CDH18: variants seen among roughly 807,000 people sequenced by gnomAD.
CDH18 encodes the protein cadherin-18.
Under a neutral mutation model 67.9 loss-of-function variants are expected in CDH18, and 31 were observed. That is an observed-to-expected ratio of 0.46 (90% CI 0.34 to 0.62). CDH18 has a LOEUF of 0.62. CDH18 is among the 20% of genes least tolerant of loss of function. The probability of loss-of-function intolerance (pLI) is 0.01; values close to 1 mark genes in which losing one functional copy is unlikely to be tolerated. For missense variants in CDH18, 890 were observed against 975.5 expected, an observed-to-expected ratio of 0.91 and a Z score of 1.17; for synonymous variants, 362 against 347.2, an observed-to-expected ratio of 1.04 and a Z score of -0.48.
chr5:20,133,264 G>A (rs930585905), intron 2 of CDH18, among the ~76,000 whole-genome samples: 1 of 152,208 alleles, frequency 6.6e-6, no homozygotes, highest in Non-Finnish European at 1.5e-5. Context: ...AGTTCCACAT[G>A]GTTGGGGAGG....
intron 2 of CDH18, among the ~76,000 whole-genome samples, chr5:19,959,980 C>T (rs1368538443): frequency 1.3e-5 from 2 of 151,978 alleles, no homozygotes; most frequent in Non-Finnish European, 2.9e-5. Flanking sequence ...AATGATGCAC[C>T]TGTATAGGAT....
intron 2 of CDH18, among the ~76,000 whole-genome samples, chr5:20,057,319 T>A (rs1266280497): frequency 6.6e-6 from 1 of 152,174 alleles, no homozygotes; most frequent in Non-Finnish European, 1.5e-5. Context: ...AATATTCATA[T>A]CCTGAATCTT....
chr5:20,103,009 T>C (rs988635371), intron 2 of CDH18, among the ~76,000 whole-genome samples: 20 of 152,220 alleles, frequency 1.3e-4, no homozygotes, highest in Non-Finnish European at 2.8e-4. Flanking sequence ...ACTGTTTCAA[T>C]GAGACTCTTA....
chr5:20,314,631 C>T (rs973266815), intron 1 of CDH18, among the ~76,000 whole-genome samples: 1 of 152,010 alleles, frequency 6.6e-6, no homozygotes, highest in Non-Finnish European at 1.5e-5. Flanking sequence ...TTGAGCACAG[C>T]GCTCATTTGC....
At chr5:19,778,899 T>C (rs1774740573) in intron 3 of CDH18, among the ~76,000 whole-genome samples, 2 of 152,170 alleles carry the variant, frequency 1.3e-5, no homozygotes, top group Admixed American at 1.3e-4. Context: ...ACATGTATTA[T>C]GCTCAGATAC....
At chr5:20,269,872 C>T (rs1040014530) in intron 1 of CDH18, among the ~76,000 whole-genome samples, 2 of 151,756 alleles carry the variant, frequency 1.3e-5, no homozygotes, top group African/African-American at 2.4e-5. Context: ...TATATGTATA[C>T]AAATGGAAAG....
intron 3 of CDH18, among the ~76,000 whole-genome samples, chr5:19,761,814 A>C (rs1188223901): frequency 6.6e-6 from 1 of 152,196 alleles, no homozygotes; most frequent in African/African-American, 2.4e-5. Flanking sequence ...ACAAAGCTGG[A>C]GGCATCATAC....
intron 4 of CDH18, among the ~76,000 whole-genome samples, chr5:19,741,098 G>GTA (rs980393285): frequency 2.0e-5 from 3 of 150,474 alleles, no homozygotes; most frequent in Admixed American, 6.7e-5. Context: ...TAGTGTATGC[G>GTA]TATATATATA....
intron 1 of CDH18, among the ~76,000 whole-genome samples, chr5:20,454,680 G>A (rs1750708237): frequency 6.6e-6 from 1 of 151,990 alleles, no homozygotes; most frequent in Non-Finnish European, 1.5e-5. Context: ...AGACTCCTGG[G>A]TCAAAGACAT....
intron 4 of CDH18, among the ~76,000 whole-genome samples, chr5:19,734,735 A>G (rs1209777837): frequency 1.3e-5 from 2 of 152,032 alleles, no homozygotes; most frequent in Admixed American, 6.6e-5. Context: ...TCCAGTTTCA[A>G]TGTCTTCAGT....
At chr5:20,190,648 T>A (rs1156818667) in intron 2 of CDH18, among the ~76,000 whole-genome samples, 1 of 152,120 alleles carries the variant, frequency 6.6e-6, no homozygotes, top group African/African-American at 2.4e-5. Flanking sequence ...AAAGCTATTG[T>A]TCAAGAACAT....
chr5:20,142,440 C>A (rs766162788), intron 2 of CDH18, among the ~76,000 whole-genome samples: 8 of 151,738 alleles, frequency 5.3e-5, no homozygotes, highest in Non-Finnish European at 1.2e-4. Flanking sequence ...ATTGGCCCGG[C>A]GTGGTGGCAA....
intron 2 of CDH18, among the ~76,000 whole-genome samples, chr5:19,946,321 G>A (rs1481645603): frequency 1.3e-5 from 2 of 152,030 alleles, no homozygotes; most frequent in Admixed American, 6.6e-5. Context: ...AAGATAATTT[G>A]CTCTCAGTAG....
At chr5:20,097,597 C>A (rs1033672008) in intron 2 of CDH18, among the ~76,000 whole-genome samples, 4 of 151,682 alleles carry the variant, frequency 2.6e-5, no homozygotes, top group African/African-American at 9.7e-5. Context: ...CTCACTGAAT[C>A]AAAAAAATGG....
rs13182753 is a variant in CDH18, at chr5:20,059,817, C to T, written c.-517-67803G>A. On this transcript the variant is annotated intron_variant, in intron 2 of 14. Coordinates refer to the CDH18 transcript ENST00000507958. ...GCTATAAAAAAGAATGAGTTTATGT[C>T]CTTTGCAGGGACATGGATGTAGCTG... 9.5e-3 allele frequency among the ~76,000 whole-genome samples: 1,446 copies of T among 152,208 alleles called. 11 individuals are homozygous for T. Among genetic ancestry groups the T allele is most frequent in the Non-Finnish European group, 0.015 (1,005 of 68,018 alleles).
At chr5:19,922,651 T>C (rs1490172773) in intron 2 of CDH18, among the ~76,000 whole-genome samples, 1 of 152,232 alleles carries the variant, frequency 6.6e-6, no homozygotes, top group Non-Finnish European at 1.5e-5. Flanking sequence ...GAATTTACTT[T>C]TAATCTTTTT....
chr5:19,518,692 T>C (rs1424556004), intron 10 of CDH18, among the ~76,000 whole-genome samples: 1 of 152,182 alleles, frequency 6.6e-6, no homozygotes, highest in African/African-American at 2.4e-5. Flanking sequence ...CCAGGGGATC[T>C]CAGTCCTTTG....
intron 8 of CDH18, among the ~76,000 whole-genome samples, chr5:19,558,212 A>G (rs1321258019): frequency 6.6e-6 from 1 of 151,994 alleles, no homozygotes; most frequent in Admixed American, 6.6e-5. Context: ...ACAAATAGAC[A>G]ATCTAAGGTA....
At chr5:20,152,247 A>C (rs567084254) in intron 2 of CDH18, among the ~76,000 whole-genome samples, 1 of 146,130 alleles carries the variant, frequency 6.8e-6, no homozygotes, top group South Asian at 2.1e-4. Flanking sequence ...ATTATATATA[A>C]TATAGATACA....
Sources: allele counts gnomAD v4.1 joint callset (sites outside exome capture counted in the v4.1 genomes callset), GRCh38; gene constraint gnomAD v4.1.1; transcripts MANE v1.5; gene names NCBI Gene and HGNC (gene_info 2026-07-23, HGNC 2026-07-21).